PCDH9: variants seen among roughly 807,000 people sequenced by gnomAD.
PCDH9 encodes protocadherin-9.
Under a neutral mutation model 70.6 loss-of-function variants are expected in PCDH9, and 24 were observed. That is an observed-to-expected ratio of 0.34 (90% CI 0.25 to 0.48). The LOEUF (loss-of-function observed/expected upper bound fraction) is 0.48. Among genes scored for constraint, PCDH9 ranks in the 20% least tolerant of loss-of-function variants. The pLI, the probability that PCDH9 is intolerant of heterozygous loss-of-function variation, is 0.99. For missense variants in PCDH9, 1,281 were observed against 1,503.6 expected (o/e 0.85, Z 2.45); for synonymous variants, 562 against 558.5 (o/e 1.01, Z -0.09).
At chr13:66,779,232 A>T (rs2079950387) in intron 3 of PCDH9, among the ~76,000 whole-genome samples, 1 of 151,992 alleles carries the variant, frequency 6.6e-6, no homozygotes. Flanking sequence ...TCATTTCTGA[A>T]AAATCACCCA....
intron 4 of PCDH9, among the ~76,000 whole-genome samples, chr13:66,592,708 C>G (rs1438053740): frequency 1.3e-5 from 2 of 151,656 alleles, no homozygotes; most frequent in East Asian, 3.9e-4. Context: ...AAGGCAAATG[C>G]AGATTAACTC....
intron 2 of PCDH9, among the ~76,000 whole-genome samples, chr13:67,124,687 A>G (rs1312470472): frequency 6.6e-6 from 1 of 152,174 alleles, no homozygotes; most frequent in East Asian, 1.9e-4. Context: ...TTGTGGCATT[A>G]TTGTTGATGT....
chr13:66,864,217 T>A (rs1288064821), intron 3 of PCDH9, among the ~76,000 whole-genome samples: 1 of 152,084 alleles, frequency 6.6e-6, no homozygotes, highest in Non-Finnish European at 1.5e-5. Context: ...TAAAGATAGT[T>A]CATAGGATTA....
chr13:66,856,609 T>A (rs988178132), intron 3 of PCDH9, among the ~76,000 whole-genome samples: 2 of 152,058 alleles, frequency 1.3e-5, no homozygotes, highest in Non-Finnish European at 2.9e-5. Flanking sequence ...CCCATTAAAA[T>A]TTTTTATAAG....
intron 3 of PCDH9, among the ~76,000 whole-genome samples, chr13:66,656,789 A>G (rs1167740126): frequency 6.6e-6 from 1 of 152,210 alleles, no homozygotes; most frequent in Non-Finnish European, 1.5e-5. Context: ...AAATTTTTTT[A>G]TGATATGAGT....
At chr13:66,537,571 C>T (rs1394435269) in intron 4 of PCDH9, among the ~76,000 whole-genome samples, 2 of 151,832 alleles carry the variant, frequency 1.3e-5, no homozygotes, top group Non-Finnish European at 2.9e-5. Flanking sequence ...AAAAGAAATC[C>T]TGCAGTGCTG....
intron 2 of PCDH9, among the ~76,000 whole-genome samples, chr13:67,016,442 T>G (rs2084562996): frequency 6.6e-6 from 1 of 152,186 alleles, no homozygotes; most frequent in Non-Finnish European, 1.5e-5. Flanking sequence ...GCAGGCTATA[T>G]AATTTAAGAG....
In PCDH9 at chr13:66,995,639, A is replaced by G. The variant is rs145840549; in HGVS notation, c.3037-92034T>C. On this transcript the variant is annotated intron_variant, in intron 2 of 4. Transcript: ENST00000377865. ...AGTTAAGATGGTTTTCTGTGACTAT[A>G]AAAAAAGAAAAGAACATCTGTTATA... Among the ~76,000 whole-genome samples the G allele has an allele frequency of 4.9e-3, 746 of 152,308 alleles. 2 individuals carry two copies. The highest frequency in any genetic ancestry group is 7.5e-3 in the Non-Finnish European group (507 of 68,016).
intron 3 of PCDH9, among the ~76,000 whole-genome samples, chr13:66,757,786 A>G (rs958423465): frequency 1.3e-5 from 2 of 152,106 alleles, no homozygotes; most frequent in East Asian, 3.8e-4. Flanking sequence ...CAATTAAACC[A>G]AAGTTTGATG....
At chr13:66,307,088 A>C (rs2138055362) in intron 4 of PCDH9, among the ~76,000 whole-genome samples, 1 of 152,194 alleles carries the variant, frequency 6.6e-6, no homozygotes, top group African/African-American at 2.4e-5. Flanking sequence ...TTCATGCTTC[A>C]TATGCACCTT....
At chr13:66,587,667 G>T (rs996695520) in intron 4 of PCDH9, among the ~76,000 whole-genome samples, 1 of 152,010 alleles carries the variant, frequency 6.6e-6, no homozygotes, top group African/African-American at 2.4e-5. Context: ...ACAGTACTCT[G>T]TGTGTATGTG....
rs182131962 is a variant in PCDH9 at position 66,343,142 on chromosome 13, G to A, written c.3341-38114C>T. Among the ~76,000 whole-genome samples the A allele has an allele frequency of 1.6e-4, 24 of 152,276 alleles. No homozygotes were observed. In the East Asian group the frequency reaches 3.9e-3, roughly 24 times the overall value. On this transcript the variant is annotated intron_variant, in intron 4 of 4. Coordinates refer to ENST00000377865, the MANE Select transcript of PCDH9 (RefSeq NM_203487.3). The stretch of plus-strand genomic sequence containing the variant: ...CAATAAAAATAATAGTTACAATGCA[G>A]ATGTTCTCAGGAAGAGTAAACTTCT...
At chr13:67,211,720 A>G (rs1203048625) in intron 2 of PCDH9, 1 of 152,084 alleles carries the variant, frequency 6.6e-6, no homozygotes, top group Non-Finnish European at 1.5e-5. Context: ...CGTTTATATC[A>G]TTGCATTGGT....
chr13:66,588,109 T>C (rs2076987303), intron 4 of PCDH9, among the ~76,000 whole-genome samples: 1 of 152,078 alleles, frequency 6.6e-6, no homozygotes, highest in Admixed American at 6.6e-5. Flanking sequence ...ATTTCTAGCT[T>C]GACAGAATTT....
chr13:67,186,903 A>G (rs2088774313), intron 2 of PCDH9, among the ~76,000 whole-genome samples: 1 of 152,220 alleles, frequency 6.6e-6, no homozygotes, highest in African/African-American at 2.4e-5. Flanking sequence ...ACAGTATTAT[A>G]AAGCAAAAAC....
chr13:66,547,887 T>C (rs1040354397), intron 4 of PCDH9, among the ~76,000 whole-genome samples: 1 of 136,990 alleles, frequency 7.3e-6, no homozygotes. Context: ...AATATGATAT[T>C]TAATCATATT....
At chr13:66,625,902 G>T (rs904675054) in intron 4 of PCDH9, among the ~76,000 whole-genome samples, 1 of 152,006 alleles carries the variant, frequency 6.6e-6, no homozygotes, top group Non-Finnish European at 1.5e-5. Context: ...GACCTCAAAT[G>T]ATCTGTCCTC....
chr13:67,021,077 A>G (rs982846887), intron 2 of PCDH9, among the ~76,000 whole-genome samples: 1 of 152,220 alleles, frequency 6.6e-6, no homozygotes, highest in African/African-American at 2.4e-5. Context: ...TAAAAGAAGC[A>G]TATTTCTTTT....
intron 3 of PCDH9, among the ~76,000 whole-genome samples, chr13:66,710,060 GA>G (rs1302275980): frequency 6.6e-6 from 1 of 152,090 alleles, no homozygotes. Flanking sequence ...CAGCTATTAA[GA>G]GAAGTTTACA....
Sources: allele counts gnomAD v4.1 joint callset (sites outside exome capture counted in the v4.1 genomes callset), GRCh38; gene constraint gnomAD v4.1.1; transcripts MANE v1.5; gene names NCBI Gene and HGNC (gene_info 2026-07-23, HGNC 2026-07-21).